Variants in USP49 observed in about 807,000 individuals in gnomAD.
USP49 encodes ubiquitin carboxyl-terminal hydrolase 49.
In USP49, 24 loss-of-function variants were observed where a neutral mutation model predicts 58.6. The ratio of observed to expected loss-of-function variants is 0.41; its 90% CI spans 0.30 to 0.58. The LOEUF is 0.58. USP49 is among the 20% of genes least tolerant of loss of function. The pLI, the probability that USP49 is intolerant of heterozygous loss-of-function variation, is 0.30. For synonymous variants in USP49, 408 were observed against 365.1 expected (o/e 1.12, Z -1.34); for missense variants, 703 against 866.1 (o/e 0.81, Z 2.36).
At chr6:41,800,797 T>A (rs911647614) in intron 5 of USP49, among the ~76,000 whole-genome samples, 52 of 152,248 alleles carry the variant, frequency 3.4e-4, no homozygotes, top group Non-Finnish European at 4.4e-5. Context: ...CATTTTTTTC[T>A]TTAGCATGAT....
chr6:41,886,156 A>G (rs1238296970), intron 2 of USP49, among the ~76,000 whole-genome samples: 1 of 152,242 alleles, frequency 6.6e-6, no homozygotes, highest in African/African-American at 2.4e-5. Flanking sequence ...AGATACAAGC[A>G]TGCAATCAGT....
rs746235115 is a variant in USP49, at chr6:41,805,981, T to C, written c.1003A>G (p.Arg335Gly). 6.2e-7 allele frequency: 1 copy of C among 1,613,978 alleles called. No homozygotes were observed. Among genetic ancestry groups the C allele is most frequent in the Non-Finnish European group, 8.5e-7 (1 of 1,180,022 alleles). ...CEREGFCWNGRASISRSLELI... is the reference protein window; with the variant it reads ...CEREGFCWNGGASISRSLELI... Reference sequence around the variant, plus strand: ...TCCAGACTCCGACTAATGGAGGCCCTGCCGTTCCAGCAGAAGCCCTCCCGC... The same window carrying C: ...TCCAGACTCCGACTAATGGAGGCCCCGCCGTTCCAGCAGAAGCCCTCCCGC... The change falls in exon 4 of 8, where the codon AGG (arginine) becomes GGG (glycine). Residue 335 changes from arginine to glycine, a missense_variant. This residue lies in a region of USP49 where 97 missense variants were observed against 88.0 expected (regional missense o/e 1.10). Coordinates refer to ENST00000682992, the MANE Select transcript of USP49 (RefSeq NM_001286554.2).
chr6:41,847,802 C>T (rs1263658122), intron 3 of USP49, among the ~76,000 whole-genome samples: 1 of 151,950 alleles, frequency 6.6e-6, no homozygotes, highest in African/African-American at 2.4e-5. Flanking sequence ...CAGGACAACA[C>T]ATTCTGAAAT....
chr6:41,815,509 GGA>G (rs1156937627), intron 3 of USP49, among the ~76,000 whole-genome samples: 2 of 152,072 alleles, frequency 1.3e-5, no homozygotes, highest in Non-Finnish European at 2.9e-5. Flanking sequence ...ACAGTGGGTG[GGA>G]GAAGAGATTG....
Position 41,827,675 on chromosome 6 carries a change from CA to C in USP49, c.-28-20665del, listed in dbSNP as rs373056101. Among the ~76,000 whole-genome samples, 342 of 92,304 alleles carry C rather than the reference CA, an allele frequency of 3.7e-3. No homozygotes were observed. The Middle Eastern group carries it at 0.043, about 11-fold the overall frequency. 60.6% of individuals were successfully genotyped at this position (92,304 alleles called of 152,430 possible). ...GGGCAATACAGCAAGACTCTGTCTC[CA>C]AAAAAAAAAAAAAAAAAAAAATTTG... On this transcript the variant is annotated intron_variant, in intron 3 of 7. Coordinates refer to ENST00000682992, the MANE Select transcript of USP49 (RefSeq NM_001286554.2).
chr6:41,891,521 C>A (rs2127367486), intron 2 of USP49, among the ~76,000 whole-genome samples: 1 of 152,226 alleles, frequency 6.6e-6, no homozygotes, highest in Middle Eastern at 3.4e-3. Flanking sequence ...AAGTATCTGG[C>A]ACAAAAGCAT....
chr6:41,805,846 C>T lies in USP49; in HGVS notation c.1138G>A (p.Ala380Thr), dbSNP rs776833185. The change falls in exon 4 of 8, where the codon GCC becomes ACC. Residue 380 changes from alanine to threonine, a missense_variant. By Grantham distance (58) the Ala-to-Thr change is moderately conservative (BLOSUM62 0). Transcript: ENST00000682992. ...SGKWALVSPF[A>T]MLHSVWSLIP... ...AGGCTCCACACTGAGTGGAGCATGG[C>T]GAAGGGCGACACTAGGGCCCACTTC... 3 of 1,613,814 alleles carry T rather than the reference C, an allele frequency of 1.9e-6. No homozygotes were observed. Among genetic ancestry groups the T allele is most frequent in the African/African-American group, 2.7e-5 (2 of 74,888 alleles).
chr6:41,824,574 T>C (rs1773506738), intron 3 of USP49, among the ~76,000 whole-genome samples: 1 of 151,948 alleles, frequency 6.6e-6, no homozygotes, highest in Non-Finnish European at 1.5e-5. Flanking sequence ...AGCGTGGTGG[T>C]ACATGCCTGT....
chr6:41,827,977 G>C (rs1258290771), intron 3 of USP49, among the ~76,000 whole-genome samples: 1 of 152,056 alleles, frequency 6.6e-6, no homozygotes, highest in Non-Finnish European at 1.5e-5. Flanking sequence ...ACTCAAATTT[G>C]ATTGACCACT....
chr6:41,835,186 G>T (rs1026598817), intron 3 of USP49, among the ~76,000 whole-genome samples: 3 of 152,306 alleles, frequency 2.0e-5, no homozygotes, highest in South Asian at 2.1e-4. Flanking sequence ...GAGGGGAAAA[G>T]ACTTAATAAT....
rs377317757 is a variant in USP49, at chr6:41,791,399, A to G, written c.*5134T>C. The stretch of plus-strand genomic sequence containing the variant: ...GTGTTGGGATTACAGGTGCTAGCCA[A>G]CTGCATCCAGCCAATGTTTCATTTC... On this transcript the variant is annotated 3_prime_UTR_variant, in exon 8 of 8. Coordinates refer to ENST00000682992, the MANE Select transcript of USP49 (RefSeq NM_001286554.2). 2 of 152,246 alleles carry G rather than the reference A, an allele frequency of 1.3e-5. No homozygotes were observed. Among genetic ancestry groups the G allele is most frequent in the Non-Finnish European group, 2.9e-5 (2 of 68,048 alleles). 9.4% of individuals were successfully genotyped at this position (152,246 alleles called of 1,614,324 possible). A position where few individuals can be genotyped will look rare whatever the true frequency, so the allele number is the denominator to read the frequency against.
intron 4 of USP49, among the ~76,000 whole-genome samples, chr6:41,804,727 AC>A (rs1773078030): frequency 6.6e-6 from 1 of 151,382 alleles, no homozygotes; most frequent in South Asian, 2.1e-4. Context: ...TCACCAACCC[AC>A]CCCCCACCAC....
chr6:41,860,492 TTTA>T (rs1190630085), intron 3 of USP49, among the ~76,000 whole-genome samples: 1 of 152,064 alleles, frequency 6.6e-6, no homozygotes. Flanking sequence ...TATTGTAGTT[TTTA>T]TTATTTGTTT....
At chr6:41,798,309 T>C (rs1772926295) in intron 7 of USP49, 1 of 190,426 alleles carries the variant, frequency 5.3e-6, no homozygotes, top group Non-Finnish European at 1.1e-5. Context: ...AGTCTTGCTC[T>C]GTCACCCAGG....
rs559275148 is a variant in USP49 at position 41,810,143 on chromosome 6, C to T, written c.-28-3132G>A. On this transcript the variant is annotated intron_variant, in intron 3 of 7. Coordinates refer to ENST00000682992, the MANE Select transcript of USP49 (RefSeq NM_001286554.2). ...CTTCAGCCTGGGCGACAGAGCAAGACTCCGTCTCAAAAAATAAATAAATAA... is the reference window on the plus strand; with the variant it reads ...CTTCAGCCTGGGCGACAGAGCAAGATTCCGTCTCAAAAAATAAATAAATAA... 2.3e-3 allele frequency among the ~76,000 whole-genome samples: 343 copies of T among 150,836 alleles called. 1 individual carries two copies. The highest frequency in any genetic ancestry group is 6.9e-3 in the Middle Eastern group (2 of 290).
intron 7 of USP49, among the ~76,000 whole-genome samples, chr6:41,797,361 TGAG>T (rs1561900811): frequency 2.6e-5 from 4 of 151,832 alleles, no homozygotes; most frequent in African/African-American, 4.8e-5. Context: ...AATGGGGAGA[TGAG>T]GAGGAAGAGG....
rs756665444 is a variant in USP49, at chr6:41,803,793, A to G, written c.1561+13T>C. The stretch of plus-strand genomic sequence containing the variant: ...TCTTCCCCACTACGCCCCCTCCTCC[A>G]CACAGCACTCACTGTTACACTGGTC... On this transcript the variant is annotated intron_variant, in intron 5 of 7. Coordinates refer to ENST00000682992, the MANE Select transcript of USP49 (RefSeq NM_001286554.2). This position sits in a 1 kb window ranked among gnomAD's most constrained non-coding sequence, Gnocchi z 4.1. The G allele has an allele frequency of 6.2e-7, 1 of 1,613,902 alleles. No individual in the cohort carries two copies. Among genetic ancestry groups the G allele is most frequent in the Admixed American group, 1.7e-5 (1 of 60,008 alleles).
rs774469684 is a variant in USP49 at position 41,822,953 on chromosome 6, T to C, written c.-28-15942A>G. Among the ~76,000 whole-genome samples, 4 of 152,234 alleles carry C rather than the reference T, an allele frequency of 2.6e-5. No homozygotes were observed. In the South Asian group the frequency reaches 6.2e-4, roughly 24 times the overall value. Reference sequence around the variant, plus strand: ...GAGAACATTGGAAGCTACAAAGAGATCATTCATCATTCATGTACTTTAATA... The same window carrying C: ...GAGAACATTGGAAGCTACAAAGAGACCATTCATCATTCATGTACTTTAATA... On this transcript the variant is annotated intron_variant, in intron 3 of 7. Coordinates refer to ENST00000682992, the MANE Select transcript of USP49 (RefSeq NM_001286554.2).
At chr6:41,808,671 A>C (rs1437482760) in intron 3 of USP49, among the ~76,000 whole-genome samples, 3 of 152,110 alleles carry the variant, frequency 2.0e-5, no homozygotes, top group African/African-American at 7.2e-5. Context: ...CAGCCTCCCA[A>C]AGTGCTGCGA....
Sources: gnomAD v4.1 joint callset for allele counts (sites outside exome capture counted in the v4.1 genomes callset) on GRCh38, gnomAD v4.1.1 for gene constraint, gnomAD v4.1.1 regional missense constraint, Gnocchi (gnomAD v3.1) non-coding constraint, MANE v1.5 for transcripts, NCBI Gene and HGNC (gene_info 2026-07-23, HGNC 2026-07-21) for gene names.